Variants in SH2B3 observed in about 807,000 individuals in gnomAD.
The protein encoded by SH2B3 is SH2B adapter protein 3.
A neutral mutation model predicts 51.9 loss-of-function variants in SH2B3; 43 were observed. That is an observed-to-expected ratio of 0.83 (90% CI 0.65 to 1.07). The LOEUF (loss-of-function observed/expected upper bound fraction) is 1.07, where lower values mean the gene tolerates loss of function less well. Ranked by LOEUF, SH2B3 falls within the 50% of genes least tolerant of loss-of-function variation. The pLI is 0.00. For missense variants in SH2B3, 952 were observed against 834.3 expected (o/e 1.14, Z -1.74); for synonymous variants, 396 against 376.0 (o/e 1.05, Z -0.62).
Position 111,418,730 on chromosome 12 carries a change from G to T in SH2B3, c.585G>T (p.Ala195=), listed in dbSNP as rs1196129637. 7.4e-6 allele frequency: 11 copies of T among 1,485,008 alleles called. No homozygotes were observed. Among genetic ancestry groups the T allele is most frequent in the South Asian group, 2.5e-5 (2 of 79,722 alleles). 92.0% of individuals were successfully genotyped at this position (1,485,008 alleles called of 1,614,324 possible). The part of the protein sequence containing the change: ...WSLAREPPPE[A]LKEAVLRYSL... ...TGGCCCGGGAGCCGCCACCCGAGGC[G>T]CTGAAGGAGGCGGTGCTGCGCTACA... Residue 195 remains alanine (A), a synonymous_variant, in exon 2 of 8, where the codon GCG becomes GCT. Coordinates refer to ENST00000341259, the MANE Select transcript of SH2B3 (RefSeq NM_005475.3). The surrounding 1 kb of genome is among the most constrained non-coding windows in gnomAD (Gnocchi z 6.7).
Position 111,406,768 on chromosome 12 carries a change from A to G in SH2B3, c.-28+491A>G, listed in dbSNP as rs1870283508. ...TTCCGGGCCATGTGGCTAAGAGGGT[A>G]GCGCCCTGATTCAGGAAGCCCCTCT... On this transcript the variant is annotated intron_variant, in intron 1 of 7. Transcript: ENST00000341259. This position sits in a 1 kb window ranked among gnomAD's most constrained non-coding sequence, Gnocchi z 5.7. Among the ~76,000 whole-genome samples, 2 of 152,280 alleles carry G rather than the reference A, an allele frequency of 1.3e-5. No individual in the cohort carries two copies. The highest frequency in any genetic ancestry group is 2.1e-4 in the South Asian group (1 of 4,828).
In SH2B3 at chr12:111,444,811, C is replaced by T. The variant is rs1195341043; in HGVS notation, c.733-1942C>T. 2.3e-5 allele frequency: 23 copies of T among 985,476 alleles called. No individual in the cohort carries two copies. The East Asian group carries it at 3.4e-4, about 15-fold the overall frequency. 61.0% of individuals were successfully genotyped at this position (985,476 alleles called of 1,614,324 possible). ...GTTGTCCTGCGCCCATGTGCCCACACGCTGCAACCTGGCTGGAGCCTCTGG... is the reference window on the plus strand; with the variant it reads ...GTTGTCCTGCGCCCATGTGCCCACATGCTGCAACCTGGCTGGAGCCTCTGG... On this transcript the variant is annotated intron_variant, in intron 2 of 7. Coordinates refer to ENST00000341259, the MANE Select transcript of SH2B3 (RefSeq NM_005475.3).
rs1024460818 is a variant in SH2B3, at chr12:111,438,648, C to T, written c.733-8105C>T. Among the ~76,000 whole-genome samples, 3 of 152,218 alleles carry T rather than the reference C, an allele frequency of 2.0e-5. No individual in the cohort carries two copies. The highest frequency in any genetic ancestry group is 6.5e-5 in the Admixed American group (1 of 15,290). Reference sequence around the variant, plus strand: ...ACACCACGTGAGCAAAGCCAAGTCACGGCAGAGACCTGCATCAAGGAATGC... The same window carrying T: ...ACACCACGTGAGCAAAGCCAAGTCATGGCAGAGACCTGCATCAAGGAATGC... On this transcript the variant is annotated intron_variant, in intron 2 of 7. Coordinates refer to ENST00000341259, the MANE Select transcript of SH2B3 (RefSeq NM_005475.3). The surrounding 1 kb of genome is among the most constrained non-coding windows in gnomAD (Gnocchi z 4.2).
chr12:111,432,236 G>C (rs1872549821), intron 2 of SH2B3, among the ~76,000 whole-genome samples: 1 of 151,792 alleles, frequency 6.6e-6, no homozygotes, highest in South Asian at 2.1e-4. Flanking sequence ...ATTTTTAGTA[G>C]AGACGGGGTT....
chr12:111,425,196 T>C (rs887827814), intron 2 of SH2B3, among the ~76,000 whole-genome samples: 1 of 151,936 alleles, frequency 6.6e-6, no homozygotes, highest in Non-Finnish European at 1.5e-5. Flanking sequence ...AGGGCTGCGC[T>C]GGGAGAGAGC....
chr12:111,429,493 CGCT>C lies in SH2B3; in HGVS notation c.732+10617_732+10619del, dbSNP rs1872288853. Among the ~76,000 whole-genome samples, 1 of 152,102 alleles carries C rather than the reference CGCT, an allele frequency of 6.6e-6. No individual in the cohort carries two copies. The highest frequency in any genetic ancestry group is 2.4e-5 in the African/African-American group (1 of 41,426). On this transcript the variant is annotated intron_variant, in intron 2 of 7. Coordinates refer to ENST00000341259, the MANE Select transcript of SH2B3 (RefSeq NM_005475.3). This position sits in a 1 kb window ranked among gnomAD's most constrained non-coding sequence, Gnocchi z 4.4. ...ATTACAGGCGCCCACCACCACACTC[CGCT>C]AATTTTTCTGTATTATTAGTAGAGA...
rs144467643 is a variant in SH2B3 at position 111,449,299 on chromosome 12, C to A, written c.*997C>A. ...CCTAGGCCCTTTCTAGTAAATCCTT[C>A]AGCAACAAGGCTGGCTTGGTGCCCT... On this transcript the variant is annotated 3_prime_UTR_variant, in exon 8 of 8. Coordinates refer to ENST00000341259, the MANE Select transcript of SH2B3 (RefSeq NM_005475.3). The A allele has an allele frequency of 1.3e-5, 2 of 152,376 alleles. No individual in the cohort carries two copies. Among genetic ancestry groups the A allele is most frequent in the East Asian group, 3.8e-4 (2 of 5,196 alleles). 9.4% of individuals were successfully genotyped at this position (152,376 alleles called of 1,614,324 possible). A position where few individuals can be genotyped will look rare whatever the true frequency, so the allele number is the denominator to read the frequency against.
intron 2 of SH2B3, among the ~76,000 whole-genome samples, chr12:111,424,920 G>A (rs920214814): frequency 3.3e-5 from 5 of 152,332 alleles, no homozygotes; most frequent in Non-Finnish European, 5.9e-5. Context: ...CTGCACTTGC[G>A]GTCTGTCACT....
Position 111,435,110 on chromosome 12 carries a change from C to A in SH2B3, c.733-11643C>A. 9.1e-7 allele frequency: 1 copy of A among 1,099,788 alleles called. No homozygotes were observed. Among genetic ancestry groups the A allele is most frequent in the Non-Finnish European group, 1.3e-6 (1 of 772,952 alleles). 68.1% of individuals were successfully genotyped at this position (1,099,788 alleles called of 1,614,324 possible). A position where few individuals can be genotyped will look rare whatever the true frequency, so the allele number is the denominator to read the frequency against. ...TCTCCTCTGGTGCACTCTCCCCACC[C>A]GAGACGGGCGACAGAGGTTTTTTGT... is the stretch of plus-strand genomic sequence containing the variant. On this transcript the variant is annotated intron_variant, in intron 2 of 7. Coordinates refer to ENST00000341259, the MANE Select transcript of SH2B3 (RefSeq NM_005475.3). This position sits in a 1 kb window ranked among gnomAD's most constrained non-coding sequence, Gnocchi z 4.8.
rs764983172 is a variant in SH2B3, at chr12:111,448,070, C to T, written c.1496C>T (p.Pro499Leu). The T allele has an allele frequency of 6.2e-7, 1 of 1,614,002 alleles. No homozygotes were observed. The highest frequency in any genetic ancestry group is 1.7e-5 in the Admixed American group (1 of 60,020). ...CACTGGGGTTCAGAGTTGGGCCTTC[C>T]CCACCTTAGTTCTTCTGGCTGTCCC... Reference protein sequence around the residue: ...LPHWGSELGLPHLSSSGCPRG... With the variant: ...LPHWGSELGLLHLSSSGCPRG... The change falls in exon 8 of 8, where the codon CCC becomes CTC. Residue 499 changes from proline to leucine, a missense_variant. Transcript: ENST00000341259.
intron 2 of SH2B3, among the ~76,000 whole-genome samples, 169 bp downstream of exon 2, chr12:111,419,046 T>TAA (rs1871334542): frequency 6.6e-6 from 1 of 152,176 alleles, no homozygotes; most frequent in African/African-American, 2.4e-5. Flanking sequence ...TGCAATGGCT[T>TAA]ATGCCTGTAA....
chr12:111,408,544 C>G (rs1870425786), intron 1 of SH2B3, among the ~76,000 whole-genome samples: 1 of 152,142 alleles, frequency 6.6e-6, no homozygotes, highest in South Asian at 2.1e-4. Flanking sequence ...CAGACATTCT[C>G]CATATCCCAG....
chr12:111,428,829 C>T (rs1872213408), intron 2 of SH2B3, among the ~76,000 whole-genome samples: 1 of 152,102 alleles, frequency 6.6e-6, no homozygotes, highest in Non-Finnish European at 1.5e-5. Context: ...CAGGTGGCAC[C>T]GCCCTCACAC....
chr12:111,443,001 T>C (rs1873584928), intron 2 of SH2B3, among the ~76,000 whole-genome samples: 1 of 152,222 alleles, frequency 6.6e-6, no homozygotes, highest in South Asian at 2.1e-4. Context: ...CGGAAGACTC[T>C]AGAAGGACCA....
intron 2 of SH2B3, among the ~76,000 whole-genome samples, chr12:111,432,624 C>T (rs565453990): frequency 1.3e-5 from 2 of 152,246 alleles, no homozygotes; most frequent in South Asian, 2.1e-4. Context: ...AGAACATTTT[C>T]GTCATCAAAA....
rs757743643 is a variant in SH2B3, at chr12:111,418,272, C to A, written c.127C>A (p.Arg43Ser). ...CGTAGCGGCGGCCCGGGAGCTGGCC[C>A]GCCAGTACTGGCTGTTCGCCCGGGA... ...HAVAAARELA[R>S]QYWLFAREHP... is the part of the protein sequence containing the mutation. The change falls in exon 2 of 8, where the codon CGC (arginine) becomes AGC (serine). Residue 43 changes from arginine to serine, a missense_variant. Arg to Ser is a moderately radical substitution (Grantham distance 110). Coordinates refer to ENST00000341259, the MANE Select transcript of SH2B3 (RefSeq NM_005475.3). This position sits in a 1 kb window ranked among gnomAD's most constrained non-coding sequence, Gnocchi z 6.7. The A allele has an allele frequency of 6.5e-7, 1 of 1,540,364 alleles. No homozygotes were observed. The highest frequency in any genetic ancestry group is 8.7e-7 in the Non-Finnish European group (1 of 1,150,444).
At chr12:111,443,041 C>G (rs1367509492) in intron 2 of SH2B3, among the ~76,000 whole-genome samples, 1 of 152,250 alleles carries the variant, frequency 6.6e-6, no homozygotes, top group Non-Finnish European at 1.5e-5. Context: ...TGTGCCAAGA[C>G]AGGTCCCCTG....
rs766405916 is a variant in SH2B3, at chr12:111,418,531, C to A, written c.386C>A (p.Pro129Gln). The change falls in exon 2 of 8, where the codon CCG becomes CAG. Residue 129 changes from proline to glutamine, a missense_variant. Pro to Gln is a moderately conservative substitution (Grantham distance 76). Coordinates refer to ENST00000341259, the MANE Select transcript of SH2B3 (RefSeq NM_005475.3). This position sits in a 1 kb window ranked among gnomAD's most constrained non-coding sequence, Gnocchi z 6.7. ...RSSEELAPPR[P>Q]PGPCSFQHFR... ...TCTGAGGAGCTGGCCCCGCCGCGGC[C>A]GCCCGGGCCCTGCTCCTTCCAGCAC... 2.8e-6 allele frequency: 4 copies of A among 1,407,074 alleles called. No homozygotes were observed. Among genetic ancestry groups the A allele is most frequent in the Middle Eastern group, 2.5e-4 (1 of 3,984 alleles). The allele number at this position is 1,407,074 out of a possible 1,614,324, so 87.2% of individuals were successfully genotyped here.
At position 111,429,181 on chromosome 12, in the gene SH2B3, C is replaced by T. The variant is rs1471308468; in HGVS notation, c.732+10304C>T. On this transcript the variant is annotated intron_variant, in intron 2 of 7. Transcript: ENST00000341259. The surrounding 1 kb of genome is among the most constrained non-coding windows in gnomAD (Gnocchi z 4.4). ...TTTGCCCTCCCTGTGCCTCAGTTTA[C>T]TCAAGTAAAAATAGCTGAATGATGG... Among the ~76,000 whole-genome samples the T allele has an allele frequency of 2.0e-5, 3 of 152,130 alleles. No individual in the cohort carries two copies.
Sources: allele counts gnomAD v4.1 joint callset (sites outside exome capture counted in the v4.1 genomes callset), GRCh38; gene constraint gnomAD v4.1.1; non-coding constraint Gnocchi (gnomAD v3.1); transcripts MANE v1.5; gene names NCBI Gene and HGNC (gene_info 2026-07-23, HGNC 2026-07-21).